CPHXL2: variants seen among roughly 807,000 people sequenced by gnomAD.
The protein encoded by CPHXL2 is cytoplasmic polyadenylated homeobox-like protein 2.
At chr16:75,673,187 C>T in the CPHXL2 span, among the ~76,000 whole-genome samples, 1 of 151,604 alleles carries the variant, frequency 6.6e-6, no homozygotes, top group African/African-American at 2.4e-5. Context: ...GTAATCCCAG[C>T]ACTTTGGGAG....
At chr16:75,668,633 C>T in the CPHXL2 span, among the ~76,000 whole-genome samples, 1 of 152,134 alleles carries the variant, frequency 6.6e-6, no homozygotes, top group Admixed American at 6.5e-5. Flanking sequence ...GTAGAATTTG[C>T]ATATATGCTG....
chr16:75,671,437 T>C, the CPHXL2 span, among the ~76,000 whole-genome samples: 1 of 152,162 alleles, frequency 6.6e-6, no homozygotes, highest in South Asian at 2.1e-4. Flanking sequence ...TGTTTTTAGT[T>C]CCTTTCTCTG....
the CPHXL2 span, among the ~76,000 whole-genome samples, chr16:75,665,270 G>A: frequency 6.6e-6 from 1 of 152,198 alleles, no homozygotes; most frequent in Non-Finnish European, 1.5e-5. Context: ...AAACCTATCA[G>A]ATTAACAGCA....
chr16:75,676,766 G>T, the CPHXL2 span, among the ~76,000 whole-genome samples: 6 of 152,054 alleles, frequency 3.9e-5, no homozygotes, highest in Non-Finnish European at 5.9e-5. Context: ...AAAAACTAAA[G>T]AATTTTATAA....
the CPHXL2 span, among the ~76,000 whole-genome samples, chr16:75,666,201 G>A: frequency 3.9e-5 from 6 of 152,050 alleles, no homozygotes; most frequent in Non-Finnish European, 7.4e-5. Context: ...ATTATATAAT[G>A]GTAAAAGGCC....
chr16:75,663,830 GAGCTGAGATCGTGCCA>G, the CPHXL2 span, among the ~76,000 whole-genome samples: 2 of 145,304 alleles, frequency 1.4e-5, no homozygotes, highest in African/African-American at 2.7e-5. Flanking sequence ...AGCTTACAGT[GAGCTGAGATCGTGCCA>G]CTGCACTCCA....
At chr16:75,669,633 A>G in the CPHXL2 span, 12 of 397,572 alleles carry the variant, frequency 3.0e-5, no homozygotes, top group East Asian at 1.4e-4. Flanking sequence ...TGTTAGCACC[A>G]TTGATTCCCT....
the CPHXL2 span, among the ~76,000 whole-genome samples, chr16:75,668,610 T>C: frequency 2.6e-5 from 4 of 152,206 alleles, no homozygotes; most frequent in African/African-American, 9.6e-5. Context: ...TTCTGTCCTT[T>C]ACATAAAACT....
At chr16:75,664,193 G>A in the CPHXL2 span, among the ~76,000 whole-genome samples, 1 of 152,304 alleles carries the variant, frequency 6.6e-6, no homozygotes, top group East Asian at 1.9e-4. Context: ...TGCCTAAAAT[G>A]TATAAAACCA....
At chr16:75,664,642 AG>A in the CPHXL2 span, among the ~76,000 whole-genome samples, 3 of 146,008 alleles carry the variant, frequency 2.1e-5, no homozygotes, top group African/African-American at 7.7e-5. Context: ...AAAAAAAAAA[AG>A]AAAGAAAGAA....
At chr16:75,660,972 C>G in the CPHXL2 span, 87 of 398,920 alleles carry the variant, frequency 2.2e-4, no homozygotes, top group East Asian at 3.1e-3. Flanking sequence ...CACCTGTTGA[C>G]TGGGAGTCTC....
chr16:75,669,327 A>AG, the CPHXL2 span: 1 of 400,222 alleles, frequency 2.5e-6, no homozygotes, highest in Non-Finnish European at 4.4e-6. Context: ...AAAAAAAAAA[A>AG]AAATCTAAGA....
the CPHXL2 span, among the ~76,000 whole-genome samples, chr16:75,670,582 T>G: frequency 6.6e-6 from 1 of 152,134 alleles, no homozygotes; most frequent in Non-Finnish European, 1.5e-5. Context: ...TATCTCTATT[T>G]ACTGCAACGT....
At chr16:75,673,187 C>G in the CPHXL2 span, among the ~76,000 whole-genome samples, 1 of 151,604 alleles carries the variant, frequency 6.6e-6, no homozygotes, top group Admixed American at 6.6e-5. Context: ...GTAATCCCAG[C>G]ACTTTGGGAG....
chr16:75,668,021 A>C, the CPHXL2 span, among the ~76,000 whole-genome samples: 2 of 152,144 alleles, frequency 1.3e-5, no homozygotes, highest in Non-Finnish European at 2.9e-5. Flanking sequence ...CACAGCTAGC[A>C]AGCTGGCCCA....
chr16:75,675,408 C>T, the CPHXL2 span, among the ~76,000 whole-genome samples: 1 of 151,612 alleles, frequency 6.6e-6, no homozygotes, highest in African/African-American at 2.4e-5. Flanking sequence ...AGAAATAAGC[C>T]CTCACATTTC....
At chr16:75,665,683 C>T in the CPHXL2 span, among the ~76,000 whole-genome samples, 14 of 152,192 alleles carry the variant, frequency 9.2e-5, no homozygotes, top group East Asian at 9.7e-4. Flanking sequence ...GCCAACATGG[C>T]GAAACCCCAA....
At chr16:75,663,775 A>G in the CPHXL2 span, among the ~76,000 whole-genome samples, 4 of 151,802 alleles carry the variant, frequency 2.6e-5, no homozygotes, top group East Asian at 7.8e-4. Context: ...AGTCCCAGTT[A>G]CTCAGGAGGC....
chr16:75,661,641 C>T, the CPHXL2 span, among the ~76,000 whole-genome samples: 9 of 152,150 alleles, frequency 5.9e-5, no homozygotes, highest in East Asian at 1.4e-3. Flanking sequence ...ATTGTTCCTA[C>T]AACCCTGCTA....
Sources: gnomAD v4.1 joint callset for allele counts (sites outside exome capture counted in the v4.1 genomes callset) on GRCh38, gnomAD v4.1.1 for gene constraint, MANE v1.5 for transcripts, NCBI Gene and HGNC (gene_info 2026-07-23, HGNC 2026-07-21) for gene names.